UGT2B7: variants seen among roughly 807,000 people sequenced by gnomAD.
UGT2B7 encodes UDP-glucuronosyltransferase 2B7.
UGT2B7 carries 51 observed loss-of-function variants against 51.9 expected under a neutral mutation model. The observed-to-expected ratio is 0.98, with a 90% CI of 0.78 to 1.24. UGT2B7 has a LOEUF of 1.24. UGT2B7 is among the 50% of genes most tolerant of loss of function. The probability of loss-of-function intolerance (pLI) is 0.00; values close to 1 mark genes in which losing one functional copy is unlikely to be tolerated. For synonymous variants in UGT2B7, 225 were observed against 211.6 expected (o/e 1.06, Z -0.55); for missense variants, 727 against 628.4 (o/e 1.16, Z -1.68).
intron 1 of UGT2B7, among the ~76,000 whole-genome samples, chr4:69,088,590 T>C (rs1385691863): frequency 6.6e-6 from 1 of 152,136 alleles, no homozygotes; most frequent in African/African-American, 2.4e-5. Flanking sequence ...CTGGGAATTA[T>C]AAAAATACCT....
intron 1 of UGT2B7, among the ~76,000 whole-genome samples, chr4:69,070,553 T>G (rs1718579108): frequency 6.6e-6 from 1 of 151,572 alleles, no homozygotes; most frequent in Non-Finnish European, 1.5e-5. Flanking sequence ...CAACTCCAAC[T>G]AAGACAAAGG....
chr4:69,105,923 T>C (rs564281892), intron 3 of UGT2B7, among the ~76,000 whole-genome samples: 2 of 152,222 alleles, frequency 1.3e-5, no homozygotes, highest in African/African-American at 4.8e-5. Context: ...CTCAAAAAGA[T>C]ATGAATACAT....
intron 1 of UGT2B7, among the ~76,000 whole-genome samples, chr4:69,065,305 G>A (rs1293490810): frequency 6.6e-6 from 1 of 152,128 alleles, no homozygotes; most frequent in African/African-American, 2.4e-5. Flanking sequence ...CTGCCTTGGT[G>A]GACTGGATTT....
chr4:69,067,218 TTATTG>T (rs1718499325), intron 1 of UGT2B7, among the ~76,000 whole-genome samples: 1 of 152,176 alleles, frequency 6.6e-6, no homozygotes, highest in Non-Finnish European at 1.5e-5. Context: ...TAGCCTTCAC[TTATTG>T]CCCCAGAGGA....
At chr4:69,061,415 A>G (rs1434948261) in intron 1 of UGT2B7, among the ~76,000 whole-genome samples, 1 of 152,232 alleles carries the variant, frequency 6.6e-6, no homozygotes, top group African/African-American at 2.4e-5. Context: ...GCAGACAAAG[A>G]GGCAAAGCAA....
rs1265440624 is a variant in UGT2B7 at position 69,064,034 on chromosome 4, A to AAGAC, written c.-159+12435_-159+12436insCAGA. 6.6e-3 allele frequency among the ~76,000 whole-genome samples: 593 copies of AAGAC among 90,528 alleles called. 5 individuals are homozygous for AAGAC. The highest frequency in any genetic ancestry group is 0.018 in the African/African-American group (293 of 16,144). The allele number at this position is 90,528 out of a possible 152,430, so 59.4% of individuals were successfully genotyped here. On this transcript the variant is annotated intron_variant, in intron 1 of 5. Transcript: ENST00000502942. ...AGATGAGATGGGAAAGAAAGAAAGAAAGAAAGAAAGAAAGAAAGAAAGAAA... is the reference window on the plus strand; with the variant it reads ...AGATGAGATGGGAAAGAAAGAAAGAAAGACAGAAAGAAAGAAAGAAAGAAAGAAA...
At chr4:69,052,630 T>C (rs1379170409) in intron 1 of UGT2B7, among the ~76,000 whole-genome samples, 1 of 149,742 alleles carries the variant, frequency 6.7e-6, no homozygotes, top group Non-Finnish European at 1.5e-5. Flanking sequence ...GAGTGTTATA[T>C]GGTAAATTCT....
chr4:69,098,449 A>C, intron 1 of UGT2B7, 91 bp from the exon 2 acceptor site: 1 of 1,456,742 alleles, frequency 6.9e-7, no homozygotes, highest in Non-Finnish European at 9.2e-7. Flanking sequence ...ATTTGCCTAC[A>C]TTTTTGCCTA....
At chr4:69,055,842 C>T (rs534523097) in intron 1 of UGT2B7, among the ~76,000 whole-genome samples, 14 of 152,202 alleles carry the variant, frequency 9.2e-5, no homozygotes, top group Non-Finnish European at 2.1e-4. Flanking sequence ...AGGATTCGCT[C>T]ATCCTGTAAG....
In UGT2B7 at chr4:69,108,222, G is replaced by C; in HGVS notation, c.1210G>C (p.Ala404Pro). ...GTTTGCCGATCAACCTGATAACATT[G>C]CTCACATGAAGGCCAGGGGAGCAGC... ...PLFADQPDNI[A>P]HMKARGAAVR... The change falls in exon 5 of 6, where the codon GCT (alanine) becomes CCT (proline). Residue 404 changes from alanine (A) to proline (P), a missense_variant. Transcript: ENST00000305231. 1 of 1,613,762 alleles carries C rather than the reference G, an allele frequency of 6.2e-7. No homozygotes were observed. The highest frequency in any genetic ancestry group is 1.1e-5 in the South Asian group (1 of 91,074).
chr4:69,071,964 A>G (rs1371269984), intron 1 of UGT2B7, among the ~76,000 whole-genome samples: 1 of 152,026 alleles, frequency 6.6e-6, no homozygotes, highest in Non-Finnish European at 1.5e-5. Flanking sequence ...TGCATCAAGG[A>G]CCTTGCCAAA....
Position 69,079,972 on chromosome 4 carries a change from T to G in UGT2B7, c.-158-9500T>G, listed in dbSNP as rs753684683. Among the ~76,000 whole-genome samples the G allele has an allele frequency of 2.6e-5, 4 of 152,286 alleles. No individual in the cohort carries two copies. The South Asian group carries it at 8.3e-4, about 32-fold the overall frequency. On this transcript the variant is annotated intron_variant, in intron 1 of 5. Transcript: ENST00000502942. Reference sequence around the variant, plus strand: ...AAATATTTTTAAATACTTCACTTTCTTCTAATATATTTATTAACCTTAGCA... The same window carrying G: ...AAATATTTTTAAATACTTCACTTTCGTCTAATATATTTATTAACCTTAGCA...
intron 1 of UGT2B7, among the ~76,000 whole-genome samples, chr4:69,075,937 T>A (rs6600869): frequency 0.43 from 64,585 of 150,846 alleles, 15,262 homozygotes; most frequent in African/African-American, 0.64. Context: ...CTAGCCCCCC[T>A]CCCCATAACA....
At chr4:69,056,383 T>A (rs529270009) in intron 1 of UGT2B7, among the ~76,000 whole-genome samples, 1 of 152,348 alleles carries the variant, frequency 6.6e-6, no homozygotes, top group East Asian at 1.9e-4. Context: ...CAAGAGACTC[T>A]GATGAGAAAT....
At chr4:69,108,918 C>T (rs1349826851) in intron 5 of UGT2B7, among the ~76,000 whole-genome samples, 1 of 152,034 alleles carries the variant, frequency 6.6e-6, no homozygotes. Flanking sequence ...GACCGCTTAG[C>T]CCTGGTCTAA....
At chr4:69,064,366 C>T (rs1273102621) in intron 1 of UGT2B7, among the ~76,000 whole-genome samples, 2 of 152,156 alleles carry the variant, frequency 1.3e-5, no homozygotes, top group Admixed American at 6.5e-5. Flanking sequence ...GATTCTTGTT[C>T]TCTGTAACTA....
chr4:69,065,470 A>G (rs1482895192), intron 1 of UGT2B7, among the ~76,000 whole-genome samples: 1 of 152,186 alleles, frequency 6.6e-6, no homozygotes, highest in African/African-American at 2.4e-5. Context: ...GAAGTTTTTC[A>G]ACAGCCCTAT....
intron 1 of UGT2B7, among the ~76,000 whole-genome samples, chr4:69,074,562 C>T (rs1718664799): frequency 6.6e-6 from 1 of 151,726 alleles, no homozygotes; most frequent in African/African-American, 2.4e-5. Context: ...AGGAAATCTT[C>T]AACATGTGTT....
chr4:69,053,489 G>A (rs992792978), intron 1 of UGT2B7, among the ~76,000 whole-genome samples: 8 of 152,314 alleles, frequency 5.3e-5, no homozygotes, highest in African/African-American at 1.9e-4. Context: ...CAGGCCAGAG[G>A]CCCTAATTGT....
Sources: gnomAD v4.1 joint callset for allele counts (sites outside exome capture counted in the v4.1 genomes callset) on GRCh38, gnomAD v4.1.1 for gene constraint, MANE v1.5 for transcripts, NCBI Gene and HGNC (gene_info 2026-07-23, HGNC 2026-07-21) for gene names.